Variants in RERE observed in about 807,000 individuals in gnomAD.
RERE encodes arginine-glutamic acid dipeptide repeats protein.
RERE carries 40 observed loss-of-function variants against 146.1 expected under a neutral mutation model. The observed-to-expected ratio is 0.27, with a 90% CI of 0.21 to 0.36. The LOEUF is 0.36. Ranked by LOEUF, RERE falls within the 10% of genes least tolerant of loss-of-function variation. The pLI is 1.00. For missense variants in RERE, 1,933 were observed against 2,138.7 expected (o/e 0.90, Z 1.90); for synonymous variants, 1,003 against 866.0 (o/e 1.16, Z -2.78).
chr1:8,699,743 T>C (rs1239048294), intron 1 of RERE, among the ~76,000 whole-genome samples: 1 of 152,220 alleles, frequency 6.6e-6, no homozygotes. Flanking sequence ...TCACGTTTTC[T>C]AGAAAATACT....
Position 8,355,046 on chromosome 1 carries a change from A to G in RERE, c.*41T>C. The G allele has an allele frequency of 1.3e-6, 2 of 1,575,194 alleles. No individual in the cohort carries two copies. The highest frequency in any genetic ancestry group is 1.7e-6 in the Non-Finnish European group (2 of 1,147,268). ...GTAAAAAGTCCTGTTTCTCCCCCCA[A>G]GAACTGGGGTTTCCACAGCCAGCGT... On this transcript the variant is annotated 3_prime_UTR_variant, in exon 23 of 23. Coordinates refer to ENST00000400908, the MANE Select transcript of RERE (RefSeq NM_001042681.2).
intron 7 of RERE, among the ~76,000 whole-genome samples, chr1:8,514,786 AAAT>A (rs915416030): frequency 2.6e-5 from 4 of 151,936 alleles, no homozygotes; most frequent in Non-Finnish European, 4.4e-5. Context: ...AAGAAAAGAG[AAAT>A]AATAATAATA....
At chr1:8,799,133 A>T (rs1479622022) in intron 1 of RERE, among the ~76,000 whole-genome samples, 1 of 151,910 alleles carries the variant, frequency 6.6e-6, no homozygotes, top group Admixed American at 6.6e-5. Context: ...AGTTAGGATT[A>T]CAGGAACCCG....
chr1:8,597,348 T>C (rs960210797), intron 4 of RERE, among the ~76,000 whole-genome samples: 5 of 152,078 alleles, frequency 3.3e-5, no homozygotes, highest in African/African-American at 1.2e-4. Context: ...TGCCTCAGCC[T>C]CCCAAAGTGC....
chr1:8,372,448 T>A (rs760703803), intron 12 of RERE, among the ~76,000 whole-genome samples: 1 of 150,278 alleles, frequency 6.7e-6, no homozygotes, highest in Non-Finnish European at 1.5e-5. Context: ...GAAGATGAGG[T>A]CTGGAGACTC....
chr1:8,665,706 G>A (rs1570583806), intron 1 of RERE, among the ~76,000 whole-genome samples: 1 of 152,264 alleles, frequency 6.6e-6, no homozygotes, highest in East Asian at 1.9e-4. Flanking sequence ...ATAATGGAAT[G>A]CCCCCAAAAT....
chr1:8,435,343 T>C (rs1335464438), intron 11 of RERE, among the ~76,000 whole-genome samples: 4 of 152,162 alleles, frequency 2.6e-5, no homozygotes, highest in Admixed American at 2.0e-4. Context: ...CTTGACAACA[T>C]ATAGCAGGTG....
chr1:8,792,379 CAAG>C (rs966018056), intron 1 of RERE: 30 of 152,298 alleles, frequency 2.0e-4, no homozygotes, highest in African/African-American at 6.7e-4. Context: ...AATAGCCACT[CAAG>C]GAGAAAATTT....
rs773466883 is a variant in RERE at position 8,360,957 on chromosome 1, G to A, written c.2550C>T (p.Gly850=). 1 of 1,454,026 alleles carries A rather than the reference G, an allele frequency of 6.9e-7. No individual in the cohort carries two copies. The highest frequency in any genetic ancestry group is 9.0e-7 in the Non-Finnish European group (1 of 1,111,116). 90.1% of individuals were successfully genotyped at this position (1,454,026 alleles called of 1,614,324 possible). ...SHAQPPLHGQ[G]PPGPHSLQAG... Reference sequence around the variant, plus strand: ...CCTGCAGGCTGTGAGGGCCGGGTGGGCCCTGACCGTGCAGTGGGGGCTGGG... The same window carrying A: ...CCTGCAGGCTGTGAGGGCCGGGTGGACCCTGACCGTGCAGTGGGGGCTGGG... Residue 850 remains glycine, a synonymous_variant, in exon 18 of 23, where the codon GGC becomes GGT. Transcript: ENST00000400908.
chr1:8,630,041 C>A (rs906392446), intron 2 of RERE, among the ~76,000 whole-genome samples: 18 of 152,168 alleles, frequency 1.2e-4, no homozygotes, highest in African/African-American at 4.3e-4. Flanking sequence ...CCTCCACCCT[C>A]AATGCTTGGA....
intron 4 of RERE, among the ~76,000 whole-genome samples, chr1:8,594,557 A>C (rs990789298): frequency 1.1e-4 from 16 of 152,336 alleles, no homozygotes; most frequent in Admixed American, 8.5e-4. Context: ...TTAGCCAGCA[A>C]TATAGCAAGT....
intron 1 of RERE, among the ~76,000 whole-genome samples, chr1:8,687,449 T>C (rs371991117): frequency 6.6e-6 from 1 of 152,318 alleles, no homozygotes; most frequent in East Asian, 1.9e-4. Context: ...CATAAGTGAA[T>C]GGACTTGCCC....
chr1:8,525,938 C>G, intron 7 of RERE: 1 of 1,354,202 alleles, frequency 7.4e-7, no homozygotes, highest in Non-Finnish European at 9.5e-7. Context: ...ATGACCTAAG[C>G]CTTCACGCAG....
intron 1 of RERE, among the ~76,000 whole-genome samples, chr1:8,697,388 C>G (rs902084885): frequency 6.8e-5 from 9 of 133,144 alleles, no homozygotes; most frequent in African/African-American, 2.5e-4. Flanking sequence ...CACACCCCCC[C>G]CACACAACTT....
chr1:8,495,312 A>G (rs1570335819), intron 9 of RERE, 150 bp from the exon 10 acceptor site: 2 of 381,804 alleles, frequency 5.2e-6, no homozygotes, highest in Admixed American at 3.8e-5. Context: ...CTCTGCTCCT[A>G]TTTTTTTTTT....
At chr1:8,395,917 G>A (rs980728929) in intron 12 of RERE, among the ~76,000 whole-genome samples, 2 of 152,130 alleles carry the variant, frequency 1.3e-5, no homozygotes, top group Admixed American at 6.5e-5. Flanking sequence ...AGGAACACTC[G>A]AACGAGGACC....
intron 12 of RERE, 133 bp from the exon 13 acceptor site, chr1:8,366,107 G>A: frequency 1.0e-6 from 1 of 965,082 alleles, no homozygotes; most frequent in Non-Finnish European, 1.5e-6. Context: ...AGTCGCTCCT[G>A]GAGTTGGGAG....
intron 4 of RERE, among the ~76,000 whole-genome samples, chr1:8,601,716 C>A (rs1216325143): frequency 1.5e-5 from 2 of 132,892 alleles, no homozygotes; most frequent in Non-Finnish European, 3.1e-5. Flanking sequence ...TTAATCCCAA[C>A]TGCCATCATG....
intron 1 of RERE, among the ~76,000 whole-genome samples, chr1:8,804,035 C>T (rs555928022): frequency 2.0e-4 from 30 of 152,206 alleles, no homozygotes; most frequent in Admixed American, 6.5e-4. Flanking sequence ...AAACTTTTCT[C>T]AATATATTAA....
Sources: gnomAD v4.1 joint callset for allele counts (sites outside exome capture counted in the v4.1 genomes callset) on GRCh38, gnomAD v4.1.1 for gene constraint, MANE v1.5 for transcripts, NCBI Gene and HGNC (gene_info 2026-07-23, HGNC 2026-07-21) for gene names.